GRM5: variants seen among roughly 807,000 people sequenced by gnomAD.
GRM5 encodes the protein glutamate metabotropic receptor 5.
GRM5 carries 19 observed loss-of-function variants against 83.1 expected under a neutral mutation model. That is an observed-to-expected ratio of 0.23 (90% CI 0.16 to 0.34). The LOEUF is 0.34. GRM5 is among the 10% of genes least tolerant of loss of function. GRM5 has a pLI of 1.00. For synonymous variants in GRM5, 675 were observed against 633.6 expected (o/e 1.07, Z -0.98); for missense variants, 1,160 against 1,588.3 (o/e 0.73, Z 4.58).
intron 7 of GRM5, among the ~76,000 whole-genome samples, chr11:88,575,143 A>G (rs1049300657): frequency 1.3e-5 from 2 of 152,172 alleles, no homozygotes; most frequent in Non-Finnish European, 2.9e-5. Flanking sequence ...GTCTTTATCC[A>G]AGGTGTTAAG....
chr11:88,737,453 A>G (rs1941939902), intron 3 of GRM5, among the ~76,000 whole-genome samples: 1 of 152,096 alleles, frequency 6.6e-6, no homozygotes, highest in Non-Finnish European at 1.5e-5. Context: ...CATGTATTAA[A>G]CATCTTTTAT....
At chr11:88,544,489 G>GTGTC (rs1418830758) in intron 8 of GRM5, among the ~76,000 whole-genome samples, 2 of 152,136 alleles carry the variant, frequency 1.3e-5, no homozygotes, top group African/African-American at 4.8e-5. Flanking sequence ...TTGCCTCCTT[G>GTGTC]TGTCTCCTTG....
At chr11:88,559,559 G>A (rs912144691) in intron 8 of GRM5, among the ~76,000 whole-genome samples, 3 of 152,144 alleles carry the variant, frequency 2.0e-5, no homozygotes, top group Non-Finnish European at 2.9e-5. Flanking sequence ...TACATTTAAG[G>A]GGTTTAGAGC....
chr11:88,550,961 T>G (rs308792), intron 8 of GRM5, among the ~76,000 whole-genome samples: 75,306 of 151,650 alleles, frequency 0.5, 19,366 homozygotes, highest in African/African-American at 0.65. Flanking sequence ...TAACCTCACA[T>G]GTCTCAACTT....
chr11:88,897,689 C>A (rs774524297), intron 2 of GRM5, among the ~76,000 whole-genome samples: 5 of 151,832 alleles, frequency 3.3e-5, no homozygotes, highest in South Asian at 2.1e-4. Context: ...ATAGGAAAGA[C>A]CACCTGAAAA....
chr11:88,984,003 C>T (rs527647741), intron 2 of GRM5, among the ~76,000 whole-genome samples: 164 of 152,026 alleles, frequency 1.1e-3, no homozygotes, highest in Non-Finnish European at 1.9e-3. Flanking sequence ...TAATTGTGCA[C>T]AGCTCTTCAA....
At chr11:89,024,691 A>G (rs1941085733) in intron 2 of GRM5, among the ~76,000 whole-genome samples, 2 of 152,344 alleles carry the variant, frequency 1.3e-5, no homozygotes, top group South Asian at 4.1e-4. Context: ...TACTTTGTCC[A>G]ACTTTCAATG....
intron 2 of GRM5, among the ~76,000 whole-genome samples, chr11:88,909,056 T>TA (rs1945451338): frequency 6.6e-6 from 1 of 152,138 alleles, no homozygotes; most frequent in East Asian, 1.9e-4. Flanking sequence ...TCCAAATTTA[T>TA]ATATTGTACT....
chr11:88,659,667 AG>A (rs1386038968), intron 3 of GRM5, among the ~76,000 whole-genome samples: 1 of 152,230 alleles, frequency 6.6e-6, no homozygotes. Context: ...TAATTATGAT[AG>A]GACTTAACAA....
chr11:88,792,044 C>T (rs1943183854), intron 3 of GRM5, among the ~76,000 whole-genome samples: 1 of 152,022 alleles, frequency 6.6e-6, no homozygotes, highest in Non-Finnish European at 1.5e-5. Context: ...GTTGGGAGAG[C>T]ATGTTAGTCA....
intron 7 of GRM5, among the ~76,000 whole-genome samples, chr11:88,572,507 C>T (rs1326335290): frequency 6.6e-6 from 1 of 152,154 alleles, no homozygotes; most frequent in East Asian, 1.9e-4. Flanking sequence ...TCTCTTCTGA[C>T]ATTAGATAAT....
intron 3 of GRM5, among the ~76,000 whole-genome samples, chr11:88,759,103 A>C (rs1418107371): frequency 6.6e-6 from 1 of 152,162 alleles, no homozygotes; most frequent in African/African-American, 2.4e-5. Flanking sequence ...GAACGGAAAC[A>C]TCATTACCAT....
chr11:88,866,850 A>C (rs1944675844), intron 2 of GRM5, among the ~76,000 whole-genome samples: 1 of 152,116 alleles, frequency 6.6e-6, no homozygotes, highest in Non-Finnish European at 1.5e-5. Context: ...GTATTAGTTT[A>C]AGTCTTTAAT....
chr11:88,707,131 T>C lies in GRM5; in HGVS notation c.912-53728A>G, dbSNP rs186979511. On this transcript the variant is annotated intron_variant, in intron 3 of 9. Coordinates refer to ENST00000305447, the MANE Select transcript of GRM5 (RefSeq NM_001143831.3). ...GGCTTAGTGATTAAGAGTGTGGTAT[T>C]GGTACTTGAGTGTATGGGGTTCACT... 2.0e-5 allele frequency among the ~76,000 whole-genome samples: 3 copies of C among 152,180 alleles called. No individual in the cohort carries two copies. The East Asian group carries it at 5.8e-4, about 30-fold the overall frequency.
At chr11:89,001,492 G>A (rs983617987) in intron 2 of GRM5, among the ~76,000 whole-genome samples, 5 of 152,082 alleles carry the variant, frequency 3.3e-5, no homozygotes, top group East Asian at 1.9e-4. Flanking sequence ...GAACATTCTT[G>A]AAGTGACAAA....
chr11:88,636,317 G>T (rs975820514), intron 4 of GRM5, among the ~76,000 whole-genome samples: 3 of 152,188 alleles, frequency 2.0e-5, no homozygotes, highest in Non-Finnish European at 4.4e-5. Context: ...TTTGAGAACA[G>T]CCTGGCCAAC....
intron 8 of GRM5, among the ~76,000 whole-genome samples, chr11:88,542,043 A>G (rs1942279982): frequency 2.0e-5 from 3 of 152,178 alleles, no homozygotes. Flanking sequence ...CATGATTGTA[A>G]GTTTCCTGAA....
At chr11:88,818,289 T>C (rs1403910971) in intron 3 of GRM5, among the ~76,000 whole-genome samples, 2 of 152,252 alleles carry the variant, frequency 1.3e-5, no homozygotes, top group East Asian at 3.9e-4. Flanking sequence ...AGCAATATGT[T>C]GTATCATGAT....
At chr11:89,005,986 T>A (rs553529262) in intron 2 of GRM5, among the ~76,000 whole-genome samples, 3 of 152,188 alleles carry the variant, frequency 2.0e-5, no homozygotes, top group African/African-American at 7.2e-5. Flanking sequence ...AGGACAGATA[T>A]TAGCAAAGAC....
Sources: gnomAD v4.1 joint callset for allele counts (sites outside exome capture counted in the v4.1 genomes callset) on GRCh38, gnomAD v4.1.1 for gene constraint, MANE v1.5 for transcripts, NCBI Gene and HGNC (gene_info 2026-07-23, HGNC 2026-07-21) for gene names.